The following ANLN variants were observed in gnomAD, a reference collection of about 807,000 sequenced individuals.
The protein encoded by ANLN is anillin.
Under a neutral mutation model 135.1 loss-of-function variants are expected in ANLN, and 59 were observed. The ratio of observed to expected loss-of-function variants is 0.44; its 90% CI spans 0.35 to 0.54. ANLN has a LOEUF of 0.54. Ranked by LOEUF, ANLN falls within the 20% of genes least tolerant of loss-of-function variation. ANLN has a pLI of 0.00. For synonymous variants in ANLN, 406 were observed against 456.4 expected (o/e 0.89, Z 1.41); for missense variants, 1,182 against 1,340.0 (o/e 0.88, Z 1.84).
chr7:36,433,068 GC>G (rs1321130600), intron 20 of ANLN, among the ~76,000 whole-genome samples: 1 of 152,106 alleles, frequency 6.6e-6, no homozygotes, highest in African/African-American at 2.4e-5. Flanking sequence ...CACCTGCCTT[GC>G]CTCCCAAAAT....
At chr7:36,395,240 A>G (rs1786647195) in intron 1 of ANLN, among the ~76,000 whole-genome samples, 1 of 152,230 alleles carries the variant, frequency 6.6e-6, no homozygotes, top group African/African-American at 2.4e-5. Flanking sequence ...TTACTGTGTT[A>G]AAATCAACAT....
chr7:36,410,386 T>C, intron 5 of ANLN, 128 bp from the exon 6 acceptor site: 1 of 802,184 alleles, frequency 1.2e-6, no homozygotes, highest in Non-Finnish European at 1.9e-6. Context: ...ATAGTCTACT[T>C]TGTGAATGAA....
At chr7:36,392,589 A>T (rs1786524797) in intron 1 of ANLN, among the ~76,000 whole-genome samples, 3 of 151,074 alleles carry the variant, frequency 2.0e-5, no homozygotes, top group Admixed American at 6.6e-5. Flanking sequence ...TATTTAAAAG[A>T]GTTTTAAAAT....
intron 7 of ANLN, among the ~76,000 whole-genome samples, chr7:36,415,521 G>A (rs1048096885): frequency 1.3e-5 from 2 of 151,526 alleles, no homozygotes; most frequent in African/African-American, 4.9e-5. Flanking sequence ...ATTCTTTCTT[G>A]CCACCTCCTC....
chr7:36,406,649 T>G, intron 4 of ANLN, 83 bp downstream of exon 4: 1 of 1,197,462 alleles, frequency 8.4e-7, no homozygotes, highest in African/African-American at 1.5e-5. Flanking sequence ...TATGTGCAGG[T>G]GGATGGGTGG....
chr7:36,450,157 T>C (rs143113846), intron 23 of ANLN, among the ~76,000 whole-genome samples: 21 of 152,346 alleles, frequency 1.4e-4, no homozygotes, highest in Non-Finnish European at 2.6e-4. Flanking sequence ...TCAAGCATTA[T>C]TCAAAGAGAC....
At chr7:36,430,274 A>G (rs192982493) in intron 20 of ANLN, among the ~76,000 whole-genome samples, 3 of 152,348 alleles carry the variant, frequency 2.0e-5, no homozygotes, top group Non-Finnish European at 4.4e-5. Context: ...TAATACAACA[A>G]TCACAGAGGT....
At chr7:36,445,957 C>T (rs1788978887) in intron 22 of ANLN, among the ~76,000 whole-genome samples, 1 of 152,140 alleles carries the variant, frequency 6.6e-6, no homozygotes, top group African/African-American at 2.4e-5. Flanking sequence ...TTTGTATCTT[C>T]TTGATTACTA....
intron 14 of ANLN, 42 bp downstream of exon 14, chr7:36,422,851 C>T (rs1371624004): frequency 1.3e-6 from 2 of 1,533,440 alleles, no homozygotes; most frequent in African/African-American, 2.8e-5. Flanking sequence ...AAATTATGAA[C>T]CTCACCTAGA....
chr7:36,419,599 C>G, intron 10 of ANLN, 120 bp downstream of exon 10: 1 of 749,484 alleles, frequency 1.3e-6, no homozygotes, highest in Non-Finnish European at 2.1e-6. Flanking sequence ...TTTTGCAGAC[C>G]TGTTGTCTGT....
chr7:36,414,951 G>T (rs753722455), intron 7 of ANLN, among the ~76,000 whole-genome samples: 2 of 152,224 alleles, frequency 1.3e-5, no homozygotes, highest in Non-Finnish European at 2.9e-5. Flanking sequence ...TTATTGAGAA[G>T]ATTAGGTGAG....
At chr7:36,422,531 C>T (rs1178257800) in intron 13 of ANLN, 102 bp from the exon 14 acceptor site, 15 of 1,020,622 alleles carry the variant, frequency 1.5e-5, no homozygotes, top group East Asian at 1.1e-4. Context: ...ATTTCGTCTT[C>T]GCTGTTACGT....
chr7:36,417,476 T>G (rs1378907481), intron 9 of ANLN, among the ~76,000 whole-genome samples: 2 of 152,040 alleles, frequency 1.3e-5, no homozygotes, highest in Admixed American at 1.3e-4. Context: ...TCTCTGGGAT[T>G]ATGTTTTCCT....
At position 36,406,511 on chromosome 7, in the gene ANLN, T is replaced by C. The variant is rs1329772216; in HGVS notation, c.818T>C (p.Leu273Pro). The change falls in exon 4 of 24, where the codon CTA becomes CCA. Residue 273 changes from leucine (L) to proline (P), a missense_variant. Coordinates refer to ENST00000265748, the MANE Select transcript of ANLN (RefSeq NM_018685.5). ...GGCGATGCCTCTTTGAATAAAGCCC[T>C]ATCCTCAAGTGCTGATGATGCGTCT... The part of the protein sequence containing the change: ...RDGDASLNKA[L>P]SSSADDASLV... The C allele has an allele frequency of 1.3e-6, 2 of 1,566,130 alleles. No homozygotes were observed. The highest frequency in any genetic ancestry group is 1.8e-5 in the Admixed American group (1 of 55,056).
intron 20 of ANLN, among the ~76,000 whole-genome samples, chr7:36,432,108 G>C (rs1788356208): frequency 6.6e-6 from 1 of 152,140 alleles, no homozygotes; most frequent in Admixed American, 6.6e-5. Context: ...TGTAGCCCTA[G>C]CTATTCAGAA....
At chr7:36,415,623 A>C (rs1017008620) in intron 7 of ANLN, 135 bp from the exon 8 acceptor site, 4 of 981,524 alleles carry the variant, frequency 4.1e-6, no homozygotes, top group Non-Finnish European at 5.7e-6. Flanking sequence ...GCCTATTCAC[A>C]TACACTATCT....
At position 36,389,966 on chromosome 7, in the gene ANLN, CTT is replaced by C. The variant is rs1786350442; in HGVS notation, c.-58_-57del. On this transcript the variant is annotated 5_prime_UTR_variant, in exon 1 of 24. Coordinates refer to ENST00000265748, the MANE Select transcript of ANLN (RefSeq NM_018685.5). ...AGGAGACACACTGAGCTGAGACTCA[CTT>C]TTCTCTTCCTGAATTTGAACCACCG... The C allele has an allele frequency of 6.2e-7, 1 of 1,613,966 alleles. No individual in the cohort carries two copies. Among genetic ancestry groups the C allele is most frequent in the Admixed American group, 1.7e-5 (1 of 60,012 alleles).
intron 20 of ANLN, among the ~76,000 whole-genome samples, chr7:36,438,433 A>C (rs1171921702): frequency 6.6e-6 from 1 of 152,140 alleles, no homozygotes; most frequent in African/African-American, 2.4e-5. Flanking sequence ...GTGCAGTGGC[A>C]TGATCATAGC....
chr7:36,396,497 C>A, intron 2 of ANLN, 78 bp downstream of exon 2: 1 of 1,391,120 alleles, frequency 7.2e-7, no homozygotes, highest in Admixed American at 2.4e-5. Flanking sequence ...ATTTCATTAG[C>A]ATATAGAAGA....
Sources: allele counts gnomAD v4.1 joint callset (sites outside exome capture counted in the v4.1 genomes callset), GRCh38; gene constraint gnomAD v4.1.1; transcripts MANE v1.5; gene names NCBI Gene and HGNC (gene_info 2026-07-23, HGNC 2026-07-21).